Variants in C9orf43 observed in about 807,000 individuals in gnomAD.
The protein encoded by C9orf43 is chromosome 9 open reading frame 43.
In C9orf43, 45 loss-of-function variants were observed where a neutral mutation model predicts 59.1. That is an observed-to-expected ratio of 0.76 (90% CI 0.60 to 0.98). The LOEUF (loss-of-function observed/expected upper bound fraction) is 0.98, where lower values mean the gene tolerates loss of function less well. C9orf43 is among the 50% of genes least tolerant of loss of function. The pLI is 0.00. For missense variants in C9orf43, 533 were observed against 554.9 expected, an observed-to-expected ratio of 0.96 and a Z score of 0.40; for synonymous variants, 203 against 196.8, an observed-to-expected ratio of 1.03 and a Z score of -0.26.
chr9:113,421,622 A>G (rs112535608), intron 5 of C9orf43, among the ~76,000 whole-genome samples: 6,074 of 152,224 alleles, frequency 0.04, 162 homozygotes, highest in South Asian at 0.1. Flanking sequence ...ACTTGTGTAC[A>G]AAAGAGTGTG....
chr9:113,411,094 G>C (rs144006608), intron 1 of C9orf43, 93 bp downstream of exon 1: 1 of 985,428 alleles, frequency 1.0e-6, no homozygotes, highest in Non-Finnish European at 1.2e-6. Context: ...TGGCCATATA[G>C]AGATGCGCCT....
chr9:113,419,139 A>G lies in C9orf43; in HGVS notation c.319A>G (p.Ile107Val), dbSNP rs113088354. ...PPKGLPDKSL[I>V]NCTNRLPKFP... The stretch of plus-strand genomic sequence containing the variant: ...GAAGGGTTTACCTGACAAAAGTTTG[A>G]TCAACTGTACTAACAGACTTCCCAA... The change falls in exon 4 of 14, where the codon ATC becomes GTC. Residue 107 changes from isoleucine (I) to valine (V), a missense_variant. Transcript: ENST00000374165. 32,700 of 1,609,476 alleles carry G rather than the reference A, an allele frequency of 0.02. 442 individuals are homozygous for G. The highest frequency in any genetic ancestry group is 0.062 in the Middle Eastern group (375 of 6,044).
chr9:113,425,437 G>A lies in C9orf43; in HGVS notation c.942+17G>A. 1.9e-6 allele frequency: 3 copies of A among 1,607,454 alleles called. No homozygotes were observed. Among genetic ancestry groups the A allele is most frequent in the Middle Eastern group, 1.7e-4 (1 of 6,034 alleles). Reference sequence around the variant, plus strand: ...AAGAAACAGGTAGAGTGGCAGTGAGGGGCTTGCTGGGACTGGGAGAGGTCT... The same window carrying A: ...AAGAAACAGGTAGAGTGGCAGTGAGAGGCTTGCTGGGACTGGGAGAGGTCT... On this transcript the variant is annotated intron_variant, in intron 10 of 13. Transcript: ENST00000374165.
intron 3 of C9orf43, among the ~76,000 whole-genome samples, chr9:113,417,652 AG>A (rs1828415882): frequency 1.3e-5 from 2 of 152,244 alleles, no homozygotes; most frequent in South Asian, 4.1e-4. Flanking sequence ...AAGTCTGAGC[AG>A]TCTAGTGAAA....
At chr9:113,419,006 A>T in intron 3 of C9orf43, 102 bp from the exon 4 acceptor site, 2 of 948,458 alleles carry the variant, frequency 2.1e-6, no homozygotes, top group Non-Finnish European at 3.2e-6. Context: ...ATTAAGCCCA[A>T]GGTTTTCTGT....
At chr9:113,416,343 C>T (rs191752244) in intron 3 of C9orf43, among the ~76,000 whole-genome samples, 3 of 152,358 alleles carry the variant, frequency 2.0e-5, no homozygotes, top group African/African-American at 4.8e-5. Flanking sequence ...GGTGGCCTCT[C>T]TCTTTACTGT....
At chr9:113,422,305 G>C (rs1177211116) in intron 5 of C9orf43, among the ~76,000 whole-genome samples, 1 of 152,104 alleles carries the variant, frequency 6.6e-6, no homozygotes, top group Non-Finnish European at 1.5e-5. Flanking sequence ...GAGAATAATG[G>C]GAAACCTAAT....
intron 9 of C9orf43, 59 bp from the exon 10 acceptor site, chr9:113,425,285 A>G (rs1828744613): frequency 6.2e-7 from 1 of 1,605,048 alleles, no homozygotes; most frequent in African/African-American, 1.3e-5. Context: ...CACAGCAGGC[A>G]TTCCAGTGGG....
At position 113,429,569 on chromosome 9, in the gene C9orf43, T is replaced by G. The variant is rs1174195806; in HGVS notation, c.*183T>G. ...AGGGATTCCATTTTCTTTGTTCACC[T>G]CTACTTGCCTCTAAAATAAATGTAG... On this transcript the variant is annotated 3_prime_UTR_variant, in exon 14 of 14. Coordinates refer to ENST00000374165, the MANE Select transcript of C9orf43 (RefSeq NM_001278629.2). The G allele has an allele frequency of 3.6e-6, 2 of 551,824 alleles. No homozygotes were observed. Among genetic ancestry groups the G allele is most frequent in the East Asian group, 5.8e-5 (2 of 34,494 alleles). 34.2% of individuals were successfully genotyped at this position (551,824 alleles called of 1,614,324 possible).
At position 113,424,193 on chromosome 9, in the gene C9orf43, G is replaced by T; in HGVS notation, c.684G>T (p.Met228Ile). The T allele has an allele frequency of 6.2e-7, 1 of 1,612,556 alleles. No individual in the cohort carries two copies. Among genetic ancestry groups the T allele is most frequent in the Non-Finnish European group, 8.5e-7 (1 of 1,179,312 alleles). The change falls in exon 8 of 14, where the codon ATG becomes ATT. Residue 228 changes from methionine (M) to isoleucine (I), a missense_variant. By Grantham distance (10) the Met-to-Ile change is conservative. Transcript: ENST00000374165. ...TTTTGCCAGGTGGAAAGCAAACCAT[G>T]CTCTGTCCAGAGATGAAGATAAAAT... ...KELLPGGKQT[M>I]LCPEMKIKLA...
At chr9:113,421,299 A>G (rs566709265) in intron 5 of C9orf43, 96 bp downstream of exon 5, 5 of 856,830 alleles carry the variant, frequency 5.8e-6, no homozygotes, top group South Asian at 1.4e-5. Flanking sequence ...TAGCCAGCTC[A>G]TTGCAAGTAG....
chr9:113,415,592 C>T (rs138913259), intron 3 of C9orf43, among the ~76,000 whole-genome samples: 9 of 152,206 alleles, frequency 5.9e-5, no homozygotes, highest in Non-Finnish European at 8.8e-5. Context: ...CCACCATGCC[C>T]GGCCCCTGTC....
intron 8 of C9orf43, 78 bp downstream of exon 8, chr9:113,424,394 C>T (rs1411021469): frequency 1.4e-6 from 2 of 1,419,998 alleles, no homozygotes; most frequent in Admixed American, 4.4e-5. Flanking sequence ...GAAGAGTTGA[C>T]ATTCTATTCC....
intron 8 of C9orf43, 82 bp from the exon 9 acceptor site, chr9:113,424,937 G>A (rs527987421): frequency 2.4e-5 from 29 of 1,218,976 alleles, no homozygotes; most frequent in Middle Eastern, 3.8e-4. Context: ...TTGACTGGAT[G>A]AATAAACGCA....
rs1828482066 is a variant in C9orf43, at chr9:113,419,188, ACTT to A, written c.345+28_345+30del. ...AAAGTAAGTCATAGATTTTAAAAGT[ACTT>A]CTTCAACATTTTTTCTTTACTAGTG... is the stretch of plus-strand genomic sequence containing the variant. On this transcript the variant is annotated intron_variant, in intron 4 of 13. Transcript: ENST00000374165. 8 of 1,562,650 alleles carry A rather than the reference ACTT, an allele frequency of 5.1e-6. No individual in the cohort carries two copies. The Admixed American group carries it at 1.4e-4, about 28-fold the overall frequency.
At chr9:113,415,936 T>C (rs539502012) in intron 3 of C9orf43, among the ~76,000 whole-genome samples, 2 of 152,334 alleles carry the variant, frequency 1.3e-5, no homozygotes, top group African/African-American at 4.8e-5. Flanking sequence ...GGACTTTAAC[T>C]CTGGTTAGAC....
intron 3 of C9orf43, among the ~76,000 whole-genome samples, chr9:113,416,347 T>TAGTA (rs2119064879): frequency 6.6e-6 from 1 of 152,374 alleles, no homozygotes; most frequent in East Asian, 1.9e-4. Context: ...GCCTCTCTCT[T>TAGTA]TACTGTCTGG....
At chr9:113,420,861 A>T in intron 4 of C9orf43, 1 of 808,888 alleles carries the variant, frequency 1.2e-6, no homozygotes, top group Non-Finnish European at 1.5e-6. Flanking sequence ...GCTAAATGCT[A>T]CCCTAATGGC....
chr9:113,421,133 C>T lies in C9orf43; in HGVS notation c.376C>T (p.Leu126Phe). 6.2e-7 allele frequency: 1 copy of T among 1,613,748 alleles called. No homozygotes were observed. Among genetic ancestry groups the T allele is most frequent in the Non-Finnish European group, 8.5e-7 (1 of 1,179,806 alleles). Residue 126 changes from leucine to phenylalanine, a missense_variant, in exon 5 of 14, where the codon CTT becomes TTT. Physicochemically the swap from Leu to Phe is conservative, Grantham distance 22. Coordinates refer to ENST00000374165, the MANE Select transcript of C9orf43 (RefSeq NM_001278629.2). ...AGTGTTGAATTTGAATGAGACGCAACTTCCCTGCCCTGAAGATGTTAGAAA... is the reference window on the plus strand; with the variant it reads ...AGTGTTGAATTTGAATGAGACGCAATTTCCCTGCCCTGAAGATGTTAGAAA... ...FPVLNLNETQ[L>F]PCPEDVRNMV...
Sources: gnomAD v4.1 joint callset for allele counts (sites outside exome capture counted in the v4.1 genomes callset) on GRCh38, gnomAD v4.1.1 for gene constraint, MANE v1.5 for transcripts, NCBI Gene and HGNC (gene_info 2026-07-23, HGNC 2026-07-21) for gene names.